Variants in RASGRP4 observed in about 807,000 individuals in gnomAD.
RASGRP4 encodes the protein RAS guanyl-releasing protein 4.
In RASGRP4, 52 loss-of-function variants were observed where a neutral mutation model predicts 84.4. The ratio of observed to expected loss-of-function variants is 0.62; its 90% CI spans 0.49 to 0.78. The LOEUF (loss-of-function observed/expected upper bound fraction) is 0.78. Ranked by LOEUF, RASGRP4 falls within the 30% of genes least tolerant of loss-of-function variation. The pLI is 0.00. For missense variants in RASGRP4, 760 were observed against 886.9 expected (o/e 0.86, Z 1.82); for synonymous variants, 356 against 359.1 (o/e 0.99, Z 0.10).
At chr19:38,414,499 T>A (rs1173758011) in intron 9 of RASGRP4, among the ~76,000 whole-genome samples, 1 of 152,112 alleles carries the variant, frequency 6.6e-6, no homozygotes, top group Non-Finnish European at 1.5e-5. Flanking sequence ...GCTAATTTTG[T>A]ATTTTTAGTA....
At position 38,418,205 on chromosome 19, in the gene RASGRP4, G is replaced by A. The variant is rs1390987325; in HGVS notation, c.837+186C>T. ...GTGGGGCCACGGTGGGTGCGACGCG[G>A]TGACATCAAGGCCAAAGAAGAAGTT... On this transcript the variant is annotated intron_variant, in intron 7 of 16. Transcript: ENST00000615439. The surrounding 1 kb of genome is among the most constrained non-coding windows in gnomAD (Gnocchi z 4.6). Among the ~76,000 whole-genome samples the A allele has an allele frequency of 2.0e-5, 3 of 151,832 alleles. No individual in the cohort carries two copies. The highest frequency in any genetic ancestry group is 4.2e-4 in the South Asian group (2 of 4,800).
rs571779060 is a variant in RASGRP4 at position 38,409,164 on chromosome 19, G to C, written c.*876C>G. On this transcript the variant is annotated 3_prime_UTR_variant, in exon 17 of 17. Transcript: ENST00000615439. The stretch of plus-strand genomic sequence containing the variant: ...GGGTTGGGGGGGTCTCTGCTCCCTG[G>C]GACTGAATGGGCCCCTGCTGCTCGA... 91 of 303,332 alleles carry C rather than the reference G, an allele frequency of 3.0e-4. No homozygotes were observed. In the Admixed American group the frequency reaches 4.2e-3, roughly 14 times the overall value. 18.8% of individuals were successfully genotyped at this position (303,332 alleles called of 1,614,324 possible). A position where few individuals can be genotyped will look rare whatever the true frequency, so the allele number is the denominator to read the frequency against.
intron 8 of RASGRP4, among the ~76,000 whole-genome samples, chr19:38,416,773 G>A (rs1429528397): frequency 6.6e-6 from 1 of 152,094 alleles, no homozygotes; most frequent in African/African-American, 2.4e-5. Flanking sequence ...CCTCCCCATG[G>A]GGACTGCAAA....
At chr19:38,421,048 ACT>A in intron 3 of RASGRP4, 45 bp downstream of exon 3, 1 of 1,606,734 alleles carries the variant, frequency 6.2e-7, no homozygotes, top group Non-Finnish European at 8.5e-7. Context: ...GGTTCTCACG[ACT>A]CTGCCCTCTG....
chr19:38,420,801 T>G (rs181370169), intron 4 of RASGRP4, 107 bp downstream of exon 4: 1 of 1,159,786 alleles, frequency 8.6e-7, no homozygotes, highest in East Asian at 2.4e-5. Flanking sequence ...GTGGGGCTGG[T>G]TGGGTCTGTG....
intron 6 of RASGRP4, 69 bp downstream of exon 6, chr19:38,419,791 C>A: frequency 6.9e-7 from 1 of 1,456,050 alleles, no homozygotes; most frequent in African/African-American, 1.4e-5. Context: ...GTCCTACCTT[C>A]CCCCAGCCAA....
At position 38,418,677 on chromosome 19, in the gene RASGRP4, C is replaced by A; in HGVS notation, c.664-113G>T. On this transcript the variant is annotated intron_variant, in intron 6 of 16. Coordinates refer to ENST00000615439, the MANE Select transcript of RASGRP4 (RefSeq NM_170604.3). This position sits in a 1 kb window ranked among gnomAD's most constrained non-coding sequence, Gnocchi z 4.6. ...TCCTAGCCTGGTCTAGCCGGAGTGA[C>A]CTTTGTCATCTGTCCCCCAACCCTC... 1 of 1,057,776 alleles carries A rather than the reference C, an allele frequency of 9.5e-7. No homozygotes were observed. Among genetic ancestry groups the A allele is most frequent in the Non-Finnish European group, 1.3e-6 (1 of 763,086 alleles). 65.5% of individuals were successfully genotyped at this position (1,057,776 alleles called of 1,614,324 possible).
In RASGRP4 at chr19:38,415,134, G is replaced by T; in HGVS notation, c.955-11C>A. 1 of 1,579,812 alleles carries T rather than the reference G, an allele frequency of 6.3e-7. No homozygotes were observed. Among genetic ancestry groups the T allele is most frequent in the East Asian group, 2.3e-5 (1 of 43,748 alleles). The stretch of plus-strand genomic sequence containing the variant: ...GAGCTCCAGGAGGGCCTGGGGAGGA[G>T]GGACATGGGATTGGGGCGTTATCAG... On this transcript the variant is annotated splice_polypyrimidine_tract_variant and intron_variant, in intron 8 of 16. Transcript: ENST00000615439.
At chr19:38,416,997 T>C in intron 8 of RASGRP4, 55 bp downstream of exon 8, 1 of 1,044,936 alleles carries the variant, frequency 9.6e-7, no homozygotes, top group Non-Finnish European at 1.5e-6. Flanking sequence ...GAATTAGGTG[T>C]GGGGGCTCAA....
rs1971771015 is a variant in RASGRP4, at chr19:38,421,949, G to A, written c.208+20C>T. On this transcript the variant is annotated intron_variant, in intron 2 of 16. Transcript: ENST00000615439. Reference sequence around the variant, plus strand: ...GCCCGAGGTTAGGGCCAGGGAGGCTGCTGGGGAGAGGACACTTACCGAAGG... The same window carrying A: ...GCCCGAGGTTAGGGCCAGGGAGGCTACTGGGGAGAGGACACTTACCGAAGG... 1.9e-6 allele frequency: 3 copies of A among 1,599,898 alleles called. No homozygotes were observed. The highest frequency in any genetic ancestry group is 2.2e-5 in the East Asian group (1 of 44,448).
At chr19:38,421,838 C>CT in intron 2 of RASGRP4, 131 bp downstream of exon 2, 1 of 602,998 alleles carries the variant, frequency 1.7e-6, no homozygotes. Flanking sequence ...TTTCTGTTAT[C>CT]TCTAATGTAG....
intron 13 of RASGRP4, among the ~76,000 whole-genome samples, chr19:38,411,958 C>T (rs934127469): frequency 6.6e-6 from 1 of 152,142 alleles, no homozygotes; most frequent in African/African-American, 2.4e-5. Flanking sequence ...GAGATTGATC[C>T]ACTAGCCAGA....
At position 38,411,160 on chromosome 19, in the gene RASGRP4, G is replaced by A. The variant is rs749891880; in HGVS notation, c.1807C>T (p.Pro603Ser). The change falls in exon 15 of 17, where the codon CCC (proline) becomes TCC (serine). Residue 603 changes from proline to serine, a missense_variant. Transcript: ENST00000615439. Reference protein sequence around the residue: ...RPGAKGDAGPPGAPVPSTPAP... With the variant: ...RPGAKGDAGPSGAPVPSTPAP... The stretch of plus-strand genomic sequence containing the variant: ...GGTGTGGATGGGACAGGAGCTCCGG[G>A]GGGTCCTGCATCGCCCTTGGCCCCT... The A allele has an allele frequency of 5.6e-6, 9 of 1,613,792 alleles. No homozygotes were observed. The highest frequency in any genetic ancestry group is 7.6e-6 in the Non-Finnish European group (9 of 1,179,882).
chr19:38,424,957 G>A (rs181808770), intron 1 of RASGRP4, among the ~76,000 whole-genome samples: 36 of 152,132 alleles, frequency 2.4e-4, no homozygotes, highest in Non-Finnish European at 4.6e-4. Flanking sequence ...AGGCCGAGGT[G>A]GGTGGATCAC....
Position 38,412,910 on chromosome 19 carries a change from C to A in RASGRP4, c.1535+21G>T. ...CCCAGTGTCCTCATCTTCGGAGGAT[C>A]CAGGAGTCACAACCACTTACCCCTG... On this transcript the variant is annotated intron_variant, in intron 12 of 16. Coordinates refer to ENST00000615439, the MANE Select transcript of RASGRP4 (RefSeq NM_170604.3). The surrounding 1 kb of genome is among the most constrained non-coding windows in gnomAD (Gnocchi z 4.6). 6.2e-7 allele frequency: 1 copy of A among 1,613,482 alleles called. No individual in the cohort carries two copies. The highest frequency in any genetic ancestry group is 8.5e-7 in the Non-Finnish European group (1 of 1,179,436).
intron 1 of RASGRP4, 83 bp from the exon 2 acceptor site, chr19:38,422,236 G>A: frequency 7.6e-7 from 1 of 1,309,940 alleles, no homozygotes; most frequent in Non-Finnish European, 1.0e-6. Context: ...AATGCCCCAA[G>A]GCACCACGGG....
At chr19:38,420,817 T>C in intron 4 of RASGRP4, 91 bp downstream of exon 4, 2 of 1,343,642 alleles carry the variant, frequency 1.5e-6, no homozygotes, top group Non-Finnish European at 2.1e-6. Context: ...CTGTGGGAAC[T>C]GGCCTGGGGA....
At chr19:38,425,089 G>A (rs906909820) in intron 1 of RASGRP4, among the ~76,000 whole-genome samples, 3 of 151,638 alleles carry the variant, frequency 2.0e-5, no homozygotes, top group African/African-American at 7.3e-5. Context: ...GGAGGCTGAG[G>A]CAGGATGATC....
In RASGRP4 at chr19:38,418,678, C is replaced by T. The variant is rs905548384; in HGVS notation, c.664-114G>A. 4.9e-5 allele frequency: 51 copies of T among 1,046,830 alleles called. No individual in the cohort carries two copies. The Admixed American group carries it at 1.4e-3, about 28-fold the overall frequency. 64.8% of individuals were successfully genotyped at this position (1,046,830 alleles called of 1,614,324 possible). A position where few individuals can be genotyped will look rare whatever the true frequency, so the allele number is the denominator to read the frequency against. On this transcript the variant is annotated intron_variant, in intron 6 of 16. Transcript: ENST00000615439. This position sits in a 1 kb window ranked among gnomAD's most constrained non-coding sequence, Gnocchi z 4.6. ...CCTAGCCTGGTCTAGCCGGAGTGAC[C>T]TTTGTCATCTGTCCCCCAACCCTCA...
Sources: gnomAD v4.1 joint callset for allele counts (sites outside exome capture counted in the v4.1 genomes callset) on GRCh38, gnomAD v4.1.1 for gene constraint, Gnocchi (gnomAD v3.1) non-coding constraint, MANE v1.5 for transcripts, NCBI Gene and HGNC (gene_info 2026-07-23, HGNC 2026-07-21) for gene names.